Variants in CUL1 observed in about 807,000 individuals in gnomAD.
The protein encoded by CUL1 is cullin 1.
CUL1 carries 24 observed loss-of-function variants against 118.0 expected under a neutral mutation model. The observed-to-expected ratio is 0.20, with a 90% CI of 0.15 to 0.29. The LOEUF (loss-of-function observed/expected upper bound fraction) is 0.29, where lower values mean the gene tolerates loss of function less well. Among genes scored for constraint, CUL1 ranks in the 10% least tolerant of loss-of-function variants. The pLI is 1.00. For missense variants in CUL1, 361 were observed against 933.8 expected (o/e 0.39, Z 7.99); for synonymous variants, 332 against 340.4 (o/e 0.98, Z 0.27).
chr7:148,743,576 A>C (rs1799213090), intron 2 of CUL1, among the ~76,000 whole-genome samples: 1 of 152,170 alleles, frequency 6.6e-6, no homozygotes, highest in African/African-American at 2.4e-5. Context: ...TGATTGTGAA[A>C]TTGTCTCCTT....
intron 1 of CUL1, among the ~76,000 whole-genome samples, chr7:148,707,646 A>G (rs114363271): frequency 0.014 from 2,153 of 151,872 alleles, 43 homozygotes; most frequent in African/African-American, 0.048. Flanking sequence ...TGGTCCCCAC[A>G]CCTTCCCTGA....
chr7:148,719,563 G>A (rs917744020), intron 1 of CUL1, among the ~76,000 whole-genome samples: 8 of 152,152 alleles, frequency 5.3e-5, no homozygotes, highest in African/African-American at 1.9e-4. Flanking sequence ...TGAATGCACA[G>A]GTTCTTGGTC....
chr7:148,782,999 T>G (rs1288809421), intron 9 of CUL1, among the ~76,000 whole-genome samples: 2 of 152,060 alleles, frequency 1.3e-5, no homozygotes, highest in East Asian at 1.9e-4. Flanking sequence ...GTCTGTAGAA[T>G]GGGGATGAAA....
chr7:148,717,645 A>G (rs960331234), intron 1 of CUL1, among the ~76,000 whole-genome samples: 1 of 150,904 alleles, frequency 6.6e-6, no homozygotes, highest in African/African-American at 2.4e-5. Flanking sequence ...TCCTCTTCCC[A>G]CTGACCCAGC....
At chr7:148,711,737 A>G (rs758366209) in intron 1 of CUL1, among the ~76,000 whole-genome samples, 27 of 152,244 alleles carry the variant, frequency 1.8e-4, no homozygotes, top group Non-Finnish European at 3.5e-4. Context: ...TTAGTGATAC[A>G]CTAGCTTCCA....
In CUL1 at chr7:148,800,717, T is replaced by A; in HGVS notation, c.*135T>A. ...TTAAAAACTGAGACCAAGACTCCCATCAGCTGGTCTCGGATTTACATCGGA... is the reference window on the plus strand; with the variant it reads ...TTAAAAACTGAGACCAAGACTCCCAACAGCTGGTCTCGGATTTACATCGGA... On this transcript the variant is annotated 3_prime_UTR_variant, in exon 22 of 22. Transcript: ENST00000325222. The surrounding 1 kb of genome is among the most constrained non-coding windows in gnomAD (Gnocchi z 4.6). 1 of 651,012 alleles carries A rather than the reference T, an allele frequency of 1.5e-6. No individual in the cohort carries two copies. Among genetic ancestry groups the A allele is most frequent in the East Asian group, 2.7e-5 (1 of 36,406 alleles). 40.3% of individuals were successfully genotyped at this position (651,012 alleles called of 1,614,324 possible). A position where few individuals can be genotyped will look rare whatever the true frequency, so the allele number is the denominator to read the frequency against.
intron 17 of CUL1, among the ~76,000 whole-genome samples, chr7:148,793,862 A>G (rs895834983): frequency 6.6e-6 from 1 of 152,184 alleles, no homozygotes; most frequent in Non-Finnish European, 1.5e-5. Context: ...TATTCTCACC[A>G]ACAGTGTATG....
At chr7:148,770,601 G>T (rs182150340) in intron 9 of CUL1, among the ~76,000 whole-genome samples, 1 of 152,262 alleles carries the variant, frequency 6.6e-6, no homozygotes, top group Admixed American at 6.5e-5. Flanking sequence ...CCTTCTGTTG[G>T]AATGCTGTCT....
chr7:148,726,817 G>A (rs948018106), intron 1 of CUL1, among the ~76,000 whole-genome samples: 2 of 138,738 alleles, frequency 1.4e-5, no homozygotes, highest in Admixed American at 7.4e-5. Context: ...GTAACATGAC[G>A]AAACCCCATC....
Position 148,783,954 on chromosome 7 carries a change from T to C in CUL1, c.1192-17T>C, listed in dbSNP as rs751185722. The C allele has an allele frequency of 8.7e-6, 14 of 1,613,870 alleles. No homozygotes were observed. Among genetic ancestry groups the C allele is most frequent in the Non-Finnish European group, 1.2e-5 (14 of 1,179,876 alleles). On this transcript the variant is annotated splice_polypyrimidine_tract_variant and intron_variant, in intron 10 of 21. Coordinates refer to ENST00000325222, the MANE Select transcript of CUL1 (RefSeq NM_003592.3). The stretch of plus-strand genomic sequence containing the variant: ...TGGATGGGGCGTTTGTCTCTAACTA[T>C]ATTCCGTGTAACGCAGGCTTGTGGT...
chr7:148,699,808 GGCGCGCCCCCGGTCCCAACGGGAGC>G (rs926495483), intron 1 of CUL1, among the ~76,000 whole-genome samples: 7 of 152,004 alleles, frequency 4.6e-5, no homozygotes, highest in Non-Finnish European at 1.0e-4. Context: ...CTGCGGCCTC[GGCGCGCCCCCGGTCCCAACGGGAGC>G]GCGCGCCCTG....
intron 1 of CUL1, among the ~76,000 whole-genome samples, chr7:148,699,353 G>A (rs1053535025): frequency 6.6e-6 from 1 of 151,990 alleles, no homozygotes; most frequent in Non-Finnish European, 1.5e-5. Context: ...GGTGGCGCCG[G>A]CCCCTTTCCC....
chr7:148,759,815 TA>T (rs752412404), intron 6 of CUL1, among the ~76,000 whole-genome samples, 177 bp downstream of exon 6: 93 of 152,212 alleles, frequency 6.1e-4, no homozygotes, highest in Non-Finnish European at 1.2e-3. Context: ...TTATCCATCA[TA>T]AAAGCTGTTT....
At chr7:148,777,555 C>T in intron 9 of CUL1, among the ~76,000 whole-genome samples, 1 of 152,310 alleles carries the variant, frequency 6.6e-6, no homozygotes, top group East Asian at 1.9e-4. Flanking sequence ...AAATGTTTTA[C>T]CTGAGTCTGC....
rs1207866923 is a variant in CUL1 at position 148,800,546 on chromosome 7, G to A, written c.2295G>A (p.Val765=). ...ILIEKEYLER[V]DGEKDTYSYL... ...TTGAGAAAGAATATTTGGAGCGAGTGGATGGTGAAAAGGACACCTACAGTT... is the reference window on the plus strand; with the variant it reads ...TTGAGAAAGAATATTTGGAGCGAGTAGATGGTGAAAAGGACACCTACAGTT... Residue 765 remains valine, a synonymous_variant, in exon 22 of 22, where the codon GTG becomes GTA. Coordinates refer to ENST00000325222, the MANE Select transcript of CUL1 (RefSeq NM_003592.3). The surrounding 1 kb of genome is among the most constrained non-coding windows in gnomAD (Gnocchi z 4.6). 6.2e-7 allele frequency: 1 copy of A among 1,613,986 alleles called. No homozygotes were observed. The highest frequency in any genetic ancestry group is 8.5e-7 in the Non-Finnish European group (1 of 1,179,900).
intron 2 of CUL1, among the ~76,000 whole-genome samples, chr7:148,733,626 C>T (rs1440302071): frequency 6.6e-6 from 1 of 151,930 alleles, no homozygotes; most frequent in Non-Finnish European, 1.5e-5. Flanking sequence ...GGTTGTGTTT[C>T]AGGGAAGGAG....
At chr7:148,726,505 G>C (rs1256935831) in intron 1 of CUL1, among the ~76,000 whole-genome samples, 1 of 152,060 alleles carries the variant, frequency 6.6e-6, no homozygotes, top group Non-Finnish European at 1.5e-5. Flanking sequence ...TGGAGATGTT[G>C]AGGTTTCCTC....
chr7:148,760,516 T>C lies in CUL1; in HGVS notation c.789+20T>C, dbSNP rs1352246585. ...AAAAAGGTAAGCTTAAATATAGTAC[T>C]TTAAGTAGACTTAAGTTAAAGTCAT... On this transcript the variant is annotated intron_variant, in intron 7 of 21. Coordinates refer to ENST00000325222, the MANE Select transcript of CUL1 (RefSeq NM_003592.3). 1 of 1,567,910 alleles carries C rather than the reference T, an allele frequency of 6.4e-7. No individual in the cohort carries two copies. The highest frequency in any genetic ancestry group is 2.3e-5 in the East Asian group (1 of 43,998).
chr7:148,738,230 A>C (rs748126972), intron 2 of CUL1, among the ~76,000 whole-genome samples: 2 of 152,206 alleles, frequency 1.3e-5, no homozygotes, highest in Non-Finnish European at 2.9e-5. Context: ...TTACGTTAGT[A>C]GTAGATGCTG....
Sources: gnomAD v4.1 joint callset for allele counts (sites outside exome capture counted in the v4.1 genomes callset) on GRCh38, gnomAD v4.1.1 for gene constraint, Gnocchi (gnomAD v3.1) non-coding constraint, MANE v1.5 for transcripts, NCBI Gene and HGNC (gene_info 2026-07-23, HGNC 2026-07-21) for gene names.